The following INPP4B variants were observed in gnomAD, a reference collection of about 807,000 sequenced individuals.
INPP4B encodes the protein inositol polyphosphate-4-phosphatase type II B.
A neutral mutation model predicts 122.5 loss-of-function variants in INPP4B; 55 were observed. The ratio of observed to expected loss-of-function variants is 0.45; its 90% CI spans 0.36 to 0.56. INPP4B has a LOEUF of 0.56. INPP4B is among the 20% of genes least tolerant of loss of function. The pLI is 0.00. For synonymous variants in INPP4B, 403 were observed against 388.7 expected, an observed-to-expected ratio of 1.04 and a Z score of -0.43; for missense variants, 1,000 against 1,097.7, an observed-to-expected ratio of 0.91 and a Z score of 1.26.
At chr4:142,087,755 A>G (rs190619750) in intron 23 of INPP4B, among the ~76,000 whole-genome samples, 1 of 152,232 alleles carries the variant, frequency 6.6e-6, no homozygotes, top group Non-Finnish European at 1.5e-5. Context: ...TAGCAAAATA[A>G]TATATCTGAA....
chr4:142,837,032 G>C (rs1040500873), intron 1 of INPP4B, among the ~76,000 whole-genome samples: 23 of 151,888 alleles, frequency 1.5e-4, no homozygotes, highest in Non-Finnish European at 2.9e-4. Context: ...AGGGCGTGGT[G>C]GCACGTGCCT....
chr4:142,312,539 A>T (rs114927026), intron 8 of INPP4B, among the ~76,000 whole-genome samples: 1,678 of 152,316 alleles, frequency 0.011, 30 homozygotes, highest in African/African-American at 0.038. Context: ...GCTGGCACTC[A>T]TAGAAAGGAT....
chr4:142,371,129 G>A (rs1789729246), intron 7 of INPP4B, among the ~76,000 whole-genome samples: 1 of 151,706 alleles, frequency 6.6e-6, no homozygotes, highest in Non-Finnish European at 1.5e-5. Context: ...CAAATTCACA[G>A]CCAATTAACT....
At chr4:142,067,137 G>A (rs1008451632) in intron 25 of INPP4B, among the ~76,000 whole-genome samples, 15 of 152,170 alleles carry the variant, frequency 9.9e-5, no homozygotes, top group African/African-American at 3.4e-4. Context: ...CTAGAGGAAG[G>A]ATCAGGCAAC....
intron 23 of INPP4B, among the ~76,000 whole-genome samples, chr4:142,090,281 A>C (rs1275681516): frequency 2.8e-5 from 3 of 108,228 alleles, no homozygotes; most frequent in African/African-American, 8.7e-5. Context: ...TCTTACAAGA[A>C]AAGTAATTTT....
chr4:142,523,033 G>A (rs1452302499), intron 2 of INPP4B, among the ~76,000 whole-genome samples: 1 of 152,048 alleles, frequency 6.6e-6, no homozygotes, highest in African/African-American at 2.4e-5. Flanking sequence ...GTAAACTGGA[G>A]CATCGCTTGA....
At chr4:142,524,357 T>G (rs1212556174) in intron 2 of INPP4B, among the ~76,000 whole-genome samples, 1 of 152,098 alleles carries the variant, frequency 6.6e-6, no homozygotes, top group African/African-American at 2.4e-5. Flanking sequence ...TTCTAACTGG[T>G]GTGAGATGGT....
intron 1 of INPP4B, among the ~76,000 whole-genome samples, chr4:142,829,355 G>A (rs1435436794): frequency 9.9e-5 from 15 of 152,140 alleles, no homozygotes; most frequent in Admixed American, 9.8e-4. Context: ...AGAGGGAGGA[G>A]GGAGAGTGAG....
At position 142,442,822 on chromosome 4, in the gene INPP4B, A is replaced by G. The variant is rs180683998; in HGVS notation, c.-126-11437T>C. Among the ~76,000 whole-genome samples the G allele has an allele frequency of 1.8e-4, 27 of 152,364 alleles. No individual in the cohort carries two copies. The East Asian group carries it at 5.2e-3, about 29-fold the overall frequency. On this transcript the variant is annotated intron_variant, in intron 3 of 25. Transcript: ENST00000262992. ...AGACATACCTGAGACTGGGTAATTT[A>G]TAAAGAAAAGAGGTTTAATGGACTC...
Position 142,025,736 on chromosome 4 carries a change from G to A in INPP4B, c.*3046C>T, listed in dbSNP as rs1736811769. The A allele has an allele frequency of 6.6e-6, 1 of 152,162 alleles. No individual in the cohort carries two copies. Among genetic ancestry groups the A allele is most frequent in the Non-Finnish European group, 1.5e-5 (1 of 68,042 alleles). 9.4% of individuals were successfully genotyped at this position (152,162 alleles called of 1,614,324 possible). On this transcript the variant is annotated 3_prime_UTR_variant, in exon 26 of 26. Coordinates refer to ENST00000262992, the MANE Select transcript of INPP4B (RefSeq NM_001101669.3). ...AGCCTTCAGAGTTTTTCAGAAGAGGGGTTAGTCTTATAAAATAAGGGCTGG... is the reference window on the plus strand; with the variant it reads ...AGCCTTCAGAGTTTTTCAGAAGAGGAGTTAGTCTTATAAAATAAGGGCTGG...
chr4:142,343,552 G>T (rs748701523), intron 7 of INPP4B, among the ~76,000 whole-genome samples: 1 of 151,264 alleles, frequency 6.6e-6, no homozygotes, highest in East Asian at 1.9e-4. Flanking sequence ...CCAAAATGGA[G>T]AATTGCAATT....
At chr4:142,254,118 C>T (rs1005746349) in intron 11 of INPP4B, among the ~76,000 whole-genome samples, 14 of 152,040 alleles carry the variant, frequency 9.2e-5, no homozygotes, top group African/African-American at 2.7e-4. Context: ...ACGGCCGGTA[C>T]TCCAACAGAC....
intron 1 of INPP4B, among the ~76,000 whole-genome samples, chr4:142,825,718 C>T (rs1205619083): frequency 6.6e-6 from 1 of 151,620 alleles, no homozygotes; most frequent in African/African-American, 2.4e-5. Context: ...CTAGGTTGAA[C>T]TTTAAAGTAT....
At chr4:142,427,442 C>A (rs773027866) in intron 5 of INPP4B, 16 of 660,588 alleles carry the variant, frequency 2.4e-5, no homozygotes, top group Non-Finnish European at 3.0e-5. Context: ...TGAATAAATT[C>A]TTGCAGCTGC....
chr4:142,353,726 G>A (rs1344012606), intron 7 of INPP4B, among the ~76,000 whole-genome samples: 1 of 151,998 alleles, frequency 6.6e-6, no homozygotes, highest in East Asian at 1.9e-4. Context: ...TTGGTGCACT[G>A]CCCATAATAT....
intron 1 of INPP4B, among the ~76,000 whole-genome samples, chr4:142,783,152 A>G (rs888765163): frequency 1.3e-5 from 2 of 152,306 alleles, no homozygotes; most frequent in Admixed American, 1.3e-4. Flanking sequence ...ACAAAAGCCA[A>G]AATGGACAAA....
chr4:142,153,872 G>T (rs1026764075), intron 17 of INPP4B, among the ~76,000 whole-genome samples: 2 of 152,142 alleles, frequency 1.3e-5, no homozygotes, highest in African/African-American at 2.4e-5. Context: ...TGCACATAAA[G>T]ATTTCACCTG....
chr4:142,431,100 T>C, intron 4 of INPP4B, 69 bp downstream of exon 4: 1 of 1,061,800 alleles, frequency 9.4e-7, no homozygotes. Flanking sequence ...CATGTATGTA[T>C]GTGTAAGTTT....
chr4:142,737,978 T>C (rs924143231), intron 1 of INPP4B, among the ~76,000 whole-genome samples: 1 of 152,170 alleles, frequency 6.6e-6, no homozygotes, highest in African/African-American at 2.4e-5. Flanking sequence ...GGAGAGGATA[T>C]GGAGAAATAG....
Sources: allele counts gnomAD v4.1 joint callset (sites outside exome capture counted in the v4.1 genomes callset), GRCh38; gene constraint gnomAD v4.1.1; transcripts MANE v1.5; gene names NCBI Gene and HGNC (gene_info 2026-07-23, HGNC 2026-07-21).